EEFSEC: variants seen among roughly 807,000 people sequenced by gnomAD.
The protein encoded by EEFSEC is eukaryotic elongation factor, selenocysteine-tRNA specific.
A neutral mutation model predicts 42.1 loss-of-function variants in EEFSEC; 43 were observed. The observed-to-expected ratio is 1.02, with a 90% confidence interval of 0.80 to 1.32. The LOEUF is 1.32. Among genes scored for constraint, EEFSEC ranks in the 40% most tolerant of loss-of-function variants. EEFSEC has a pLI of 0.00. For synonymous variants in EEFSEC, 354 were observed against 339.1 expected, an observed-to-expected ratio of 1.04 and a Z score of -0.48; for missense variants, 745 against 803.6, an observed-to-expected ratio of 0.93 and a Z score of 0.88.
At chr3:128,297,879 T>C (rs2066724425) in intron 4 of EEFSEC, among the ~76,000 whole-genome samples, 1 of 152,246 alleles carries the variant, frequency 6.6e-6, no homozygotes, top group Admixed American at 6.5e-5. Flanking sequence ...CATTGGCTCC[T>C]GGCCAATCCT....
intron 4 of EEFSEC, among the ~76,000 whole-genome samples, chr3:128,275,386 A>G (rs1333390278): frequency 1.3e-5 from 2 of 152,198 alleles, no homozygotes; most frequent in South Asian, 2.1e-4. Context: ...TTCAGATGAA[A>G]GTGTGGCCAT....
chr3:128,158,117 G>A (rs952009320), intron 1 of EEFSEC, among the ~76,000 whole-genome samples: 31 of 152,224 alleles, frequency 2.0e-4, no homozygotes, highest in South Asian at 2.1e-4. Context: ...AGATGTGGTA[G>A]AAATAGCAAG....
chr3:128,154,276 A>G (rs1576501086), intron 1 of EEFSEC, among the ~76,000 whole-genome samples: 1 of 152,020 alleles, frequency 6.6e-6, no homozygotes, highest in South Asian at 2.1e-4. Context: ...CTCCACGTCA[A>G]TACAAGCATA....
chr3:128,416,254 T>TG, the EEFSEC span, among the ~76,000 whole-genome samples: 2 of 151,854 alleles, frequency 1.3e-5, no homozygotes, highest in Non-Finnish European at 2.9e-5. Flanking sequence ...ACCCTGCCCC[T>TG]GGGGGCACAA....
At chr3:128,185,882 T>C (rs2065459842) in intron 1 of EEFSEC, among the ~76,000 whole-genome samples, 1 of 152,220 alleles carries the variant, frequency 6.6e-6, no homozygotes. Flanking sequence ...TTGATTATTA[T>C]GAATAATGCT....
chr3:128,279,259 T>A (rs1231093118), intron 4 of EEFSEC, among the ~76,000 whole-genome samples: 1 of 152,162 alleles, frequency 6.6e-6, no homozygotes, highest in Non-Finnish European at 1.5e-5. Context: ...ACTTAACCCT[T>A]CCAGTGCTGA....
At chr3:128,258,935 G>A (rs1341812701) in intron 2 of EEFSEC, among the ~76,000 whole-genome samples, 1 of 152,164 alleles carries the variant, frequency 6.6e-6, no homozygotes, top group Non-Finnish European at 1.5e-5. Flanking sequence ...TCTCATGATA[G>A]TCTCAGGTTT....
At chr3:128,304,076 G>A (rs911510224) in intron 4 of EEFSEC, among the ~76,000 whole-genome samples, 17 of 148,100 alleles carry the variant, frequency 1.1e-4, no homozygotes, top group African/African-American at 4.3e-4. Flanking sequence ...TTTCATAATA[G>A]GTTTTTTTTT....
At chr3:128,309,956 A>G (rs989183498) in intron 4 of EEFSEC, among the ~76,000 whole-genome samples, 7 of 152,166 alleles carry the variant, frequency 4.6e-5, no homozygotes, top group Admixed American at 4.6e-4. Context: ...ACATCCATTG[A>G]CCCATTTAAA....
intron 4 of EEFSEC, among the ~76,000 whole-genome samples, chr3:128,278,363 T>C (rs2066490018): frequency 6.6e-6 from 1 of 152,188 alleles, no homozygotes; most frequent in South Asian, 2.1e-4. Context: ...ATATTACCGA[T>C]GGACCCCAGA....
intron 6 of EEFSEC, among the ~76,000 whole-genome samples, chr3:128,360,625 G>T (rs561272961): frequency 6.6e-6 from 1 of 152,016 alleles, no homozygotes; most frequent in African/African-American, 2.4e-5. Flanking sequence ...TGGTTGGGCT[G>T]CTGGGGTGGG....
downstream of EEFSEC, among the ~76,000 whole-genome samples, chr3:128,411,265 T>G (rs1295449482): frequency 1.3e-5 from 2 of 152,074 alleles, no homozygotes; most frequent in Non-Finnish European, 2.9e-5. Context: ...CAGGCCCGCG[T>G]GTTTTATGTA....
chr3:128,292,162 G>A (rs2066650779), intron 4 of EEFSEC, among the ~76,000 whole-genome samples: 1 of 151,772 alleles, frequency 6.6e-6, no homozygotes, highest in Non-Finnish European at 1.5e-5. Context: ...ACATTCCTAG[G>A]GTTAATCCTA....
intron 1 of EEFSEC, among the ~76,000 whole-genome samples, chr3:128,162,210 GT>G (rs946268267): frequency 7.2e-5 from 11 of 152,278 alleles, no homozygotes; most frequent in African/African-American, 2.4e-4. Flanking sequence ...AGTGAGAGCT[GT>G]TTCTTTCTCT....
chr3:128,413,548 G>A (rs1223325203), downstream of EEFSEC, among the ~76,000 whole-genome samples: 1 of 152,176 alleles, frequency 6.6e-6, no homozygotes, highest in African/African-American at 2.4e-5. Context: ...GCAGGTTGTA[G>A]GTCACATGGC....
chr3:128,180,091 C>T (rs1400889767), intron 1 of EEFSEC, among the ~76,000 whole-genome samples: 3 of 139,434 alleles, frequency 2.2e-5, no homozygotes, highest in Non-Finnish European at 4.7e-5. Flanking sequence ...TTTCCTTCCT[C>T]ATGTTTTTGG....
At chr3:128,365,403 C>T (rs2067578683) in intron 6 of EEFSEC, among the ~76,000 whole-genome samples, 1 of 152,224 alleles carries the variant, frequency 6.6e-6, no homozygotes, top group Non-Finnish European at 1.5e-5. Flanking sequence ...TGATTGGGAC[C>T]AGCCACTTTC....
intron 1 of EEFSEC, among the ~76,000 whole-genome samples, chr3:128,170,657 C>T (rs2065287081): frequency 6.6e-6 from 1 of 152,174 alleles, no homozygotes; most frequent in South Asian, 2.1e-4. Context: ...GTCTGAGAAA[C>T]AGCAACCTGG....
chr3:128,244,890 A>G (rs1432331442), intron 1 of EEFSEC, among the ~76,000 whole-genome samples: 1 of 152,238 alleles, frequency 6.6e-6, no homozygotes, highest in African/African-American at 2.4e-5. Flanking sequence ...ATAGTGGTAG[A>G]TAAAGAGCTT....
Sources: gnomAD v4.1 joint callset for allele counts (sites outside exome capture counted in the v4.1 genomes callset) on GRCh38, gnomAD v4.1.1 for gene constraint, MANE v1.5 for transcripts, NCBI Gene and HGNC (gene_info 2026-07-23, HGNC 2026-07-21) for gene names.